The following DIAPH3 variants were observed in gnomAD, a reference collection of about 807,000 sequenced individuals.
DIAPH3 encodes diaphanous related formin 3.
In DIAPH3, 117 loss-of-function variants were observed where a neutral mutation model predicts 144.3. The ratio of observed to expected loss-of-function variants is 0.81; its 90% CI spans 0.70 to 0.95. DIAPH3 has a LOEUF of 0.95. DIAPH3 is among the 40% of genes least tolerant of loss of function. The pLI, the probability that DIAPH3 is intolerant of heterozygous loss-of-function variation, is 0.00. For synonymous variants in DIAPH3, 519 were observed against 488.9 expected (o/e 1.06, Z -0.81); for missense variants, 1,421 against 1,412.7 (o/e 1.01, Z -0.09).
intron 27 of DIAPH3, among the ~76,000 whole-genome samples, chr13:59,701,785 C>T (rs533415923): frequency 2.0e-5 from 3 of 152,180 alleles, no homozygotes; most frequent in Non-Finnish European, 1.5e-5. Context: ...AACTCAATGG[C>T]CATACATACA....
intron 4 of DIAPH3, among the ~76,000 whole-genome samples, chr13:60,048,123 T>C (rs999952835): frequency 1.3e-5 from 2 of 152,222 alleles, no homozygotes; most frequent in Non-Finnish European, 2.9e-5. Flanking sequence ...GGATTCACCA[T>C]TTTTATAGTG....
intron 4 of DIAPH3, among the ~76,000 whole-genome samples, chr13:60,058,422 C>T (rs918052135): frequency 4.6e-5 from 7 of 151,996 alleles, no homozygotes; most frequent in African/African-American, 1.2e-4. Flanking sequence ...GAAAAGGGAA[C>T]ATTTATACAC....
chr13:60,096,414 A>G (rs890463264), intron 3 of DIAPH3, among the ~76,000 whole-genome samples: 2 of 152,220 alleles, frequency 1.3e-5, no homozygotes, highest in Admixed American at 6.5e-5. Context: ...CATCTTCATG[A>G]TAACACCAGT....
At chr13:59,954,339 T>C (rs887474385) in intron 17 of DIAPH3, among the ~76,000 whole-genome samples, 2 of 152,180 alleles carry the variant, frequency 1.3e-5, no homozygotes, top group African/African-American at 4.8e-5. Flanking sequence ...TCCTTTAACT[T>C]GTAAGTTACT....
At chr13:59,766,639 C>A (rs2037873466) in intron 27 of DIAPH3, among the ~76,000 whole-genome samples, 1 of 152,146 alleles carries the variant, frequency 6.6e-6, no homozygotes, top group African/African-American at 2.4e-5. Flanking sequence ...AGCCCCACAC[C>A]TCCAGAACTA....
At chr13:60,074,762 T>A (rs2057323277) in intron 4 of DIAPH3, among the ~76,000 whole-genome samples, 1 of 152,208 alleles carries the variant, frequency 6.6e-6, no homozygotes, top group African/African-American at 2.4e-5. Flanking sequence ...GTTCATACTA[T>A]ACATATGCTT....
At chr13:59,992,296 G>C (rs1437868522) in intron 10 of DIAPH3, 110 bp from the exon 11 acceptor site, 1 of 1,083,950 alleles carries the variant, frequency 9.2e-7, no homozygotes, top group East Asian at 2.6e-5. Context: ...TATAGCATTC[G>C]AACATTTAAA....
intron 17 of DIAPH3, among the ~76,000 whole-genome samples, chr13:59,969,524 T>C (rs1184695131): frequency 6.6e-6 from 1 of 152,166 alleles, no homozygotes; most frequent in Non-Finnish European, 1.5e-5. Flanking sequence ...CCTAATGCTA[T>C]ATGCTATCCC....
chr13:59,759,905 C>T (rs570065571), intron 27 of DIAPH3, among the ~76,000 whole-genome samples: 1 of 152,082 alleles, frequency 6.6e-6, no homozygotes, highest in African/African-American at 2.4e-5. Flanking sequence ...CGAGATCGCG[C>T]CCACTGCACT....
intron 17 of DIAPH3, among the ~76,000 whole-genome samples, chr13:59,945,472 C>A (rs997112639): frequency 3.3e-5 from 5 of 152,166 alleles, no homozygotes; most frequent in Non-Finnish European, 7.4e-5. Context: ...AACTGTTCAG[C>A]TGGCTGCATG....
intron 2 of DIAPH3, among the ~76,000 whole-genome samples, chr13:60,118,989 ACT>A (rs758139640): frequency 1.3e-5 from 2 of 152,142 alleles, no homozygotes; most frequent in African/African-American, 2.4e-5. Context: ...GTAATTGTTA[ACT>A]CTGTCTCTTT....
intron 24 of DIAPH3, among the ~76,000 whole-genome samples, chr13:59,819,447 G>C (rs1482060231): frequency 6.6e-6 from 1 of 151,772 alleles, no homozygotes; most frequent in East Asian, 1.9e-4. Context: ...ATTTTTAAGA[G>C]TCCCTAGTAA....
At chr13:59,758,128 G>A (rs969271035) in intron 27 of DIAPH3, among the ~76,000 whole-genome samples, 12 of 152,144 alleles carry the variant, frequency 7.9e-5, no homozygotes, top group African/African-American at 2.2e-4. Context: ...AGTATAAACT[G>A]GTACAACTAT....
chr13:59,756,183 T>C (rs1399571224), intron 27 of DIAPH3, among the ~76,000 whole-genome samples: 1 of 152,148 alleles, frequency 6.6e-6, no homozygotes, highest in East Asian at 1.9e-4. Context: ...ATGCTGAAAT[T>C]TGAGAACCAA....
intron 20 of DIAPH3, among the ~76,000 whole-genome samples, chr13:59,904,214 G>A (rs758950029): frequency 2.6e-5 from 4 of 152,178 alleles, no homozygotes; most frequent in Non-Finnish European, 5.9e-5. Context: ...ATAGGAGGTA[G>A]AAGGGGAATG....
chr13:59,813,125 T>A (rs937244984), intron 24 of DIAPH3, among the ~76,000 whole-genome samples: 79 of 150,784 alleles, frequency 5.2e-4, no homozygotes, highest in Non-Finnish European at 7.4e-5. Context: ...CCTGTGGGAG[T>A]ACGGGCGCAG....
chr13:59,774,708 G>T lies in DIAPH3; in HGVS notation c.3259+20C>A, dbSNP rs769704130. 16 of 1,608,684 alleles carry T rather than the reference G, an allele frequency of 9.9e-6. No individual in the cohort carries two copies. In the East Asian group the frequency reaches 3.3e-4, roughly 34 times the overall value. ...GTGATAGCTCCCTAGAAAGTAACAT[G>T]AAACAAGTATAGGGTTCACCTTTTG... On this transcript the variant is annotated intron_variant, in intron 26 of 27. Coordinates refer to ENST00000400324, the MANE Select transcript of DIAPH3 (RefSeq NM_001042517.2).
chr13:59,901,480 C>A (rs77572051), intron 20 of DIAPH3, among the ~76,000 whole-genome samples: 3 of 152,304 alleles, frequency 2.0e-5, no homozygotes, highest in African/African-American at 7.2e-5. Context: ...CCTTCCTAAC[C>A]ACACAAATTG....
chr13:60,033,263 C>A (rs2054941355), intron 5 of DIAPH3, among the ~76,000 whole-genome samples: 1 of 152,206 alleles, frequency 6.6e-6, no homozygotes, highest in Admixed American at 6.5e-5. Context: ...ATTCTTCCAA[C>A]CTCTGCCCAT....
Sources: allele counts gnomAD v4.1 joint callset (sites outside exome capture counted in the v4.1 genomes callset), GRCh38; gene constraint gnomAD v4.1.1; transcripts MANE v1.5; gene names NCBI Gene and HGNC (gene_info 2026-07-23, HGNC 2026-07-21).